GRAMD4: variants seen among roughly 807,000 people sequenced by gnomAD.
GRAMD4 encodes GRAM domain containing 4, also known as GRAM domain-containing protein 4.
Under a neutral mutation model 83.9 loss-of-function variants are expected in GRAMD4, and 25 were observed. That is an observed-to-expected ratio of 0.30 (90% confidence interval 0.22 to 0.42). The LOEUF (loss-of-function observed/expected upper bound fraction) is 0.42, where lower values mean the gene tolerates loss of function less well. Ranked by LOEUF, GRAMD4 falls within the 10% of genes least tolerant of loss-of-function variation. The pLI, the probability that GRAMD4 is intolerant of heterozygous loss-of-function variation, is 1.00. For synonymous variants in GRAMD4, 336 were observed against 320.9 expected, an observed-to-expected ratio of 1.05 and a Z score of -0.50; for missense variants, 593 against 788.7, an observed-to-expected ratio of 0.75 and a Z score of 2.97.
intron 1 of GRAMD4, among the ~76,000 whole-genome samples, chr22:46,600,752 CA>C (rs2081304924): frequency 6.6e-6 from 1 of 152,108 alleles, no homozygotes; most frequent in Non-Finnish European, 1.5e-5. Context: ...TATTAGAAAT[CA>C]AAACTAAGAA....
intron 17 of GRAMD4, among the ~76,000 whole-genome samples, chr22:46,676,076 CCCCAGCTCCCT>C (rs1569309348): frequency 3.3e-5 from 5 of 152,216 alleles, no homozygotes. Flanking sequence ...TGGTCAGGGC[CCCCAGCTCCCT>C]CCCAGCTCCG....
At chr22:46,655,086 C>G (rs891307666) in intron 3 of GRAMD4, among the ~76,000 whole-genome samples, 10 of 152,170 alleles carry the variant, frequency 6.6e-5, no homozygotes. Flanking sequence ...GGACAGCTTA[C>G]CCTGGAGGGT....
At position 46,677,346 on chromosome 22, in the gene GRAMD4, C is replaced by A; in HGVS notation, c.*95C>A. On this transcript the variant is annotated 3_prime_UTR_variant, in exon 19 of 19. Transcript: ENST00000406902. ...TTGGTAGTGGAAACAATTGGACATC[C>A]TCATGAGCTTTTGCAATAATTCTCC... is the stretch of plus-strand genomic sequence containing the variant. 5 of 1,469,178 alleles carry A rather than the reference C, an allele frequency of 3.4e-6. No homozygotes were observed. Among genetic ancestry groups the A allele is most frequent in the Non-Finnish European group, 3.6e-6 (4 of 1,112,710 alleles). The allele number at this position is 1,469,178 out of a possible 1,614,324, so 91.0% of individuals were successfully genotyped here.
At chr22:46,644,697 GTTT>G (rs71192437) in intron 3 of GRAMD4, among the ~76,000 whole-genome samples, 41 of 97,342 alleles carry the variant, frequency 4.2e-4, no homozygotes, top group African/African-American at 1.0e-3. Flanking sequence ...CTTGTTCCCT[GTTT>G]TTTTTTTTTT....
chr22:46,675,048 G>C (rs1413897008), intron 16 of GRAMD4, among the ~76,000 whole-genome samples: 2 of 152,252 alleles, frequency 1.3e-5, no homozygotes, highest in Non-Finnish European at 2.9e-5. Flanking sequence ...GGACCGTGTG[G>C]GGACCTGCTA....
At chr22:46,606,748 C>G (rs1569256415) in intron 1 of GRAMD4, among the ~76,000 whole-genome samples, 1 of 152,284 alleles carries the variant, frequency 6.6e-6, no homozygotes, top group African/African-American at 2.4e-5. Context: ...CTGAGCATCT[C>G]TGCGTGGACT....
chr22:46,629,764 GT>G (rs2147181355), intron 2 of GRAMD4, among the ~76,000 whole-genome samples: 1 of 152,324 alleles, frequency 6.6e-6, no homozygotes, highest in Admixed American at 6.5e-5. Flanking sequence ...GTTTTAAAAG[GT>G]TTTTATCACC....
intron 3 of GRAMD4, among the ~76,000 whole-genome samples, chr22:46,653,803 A>T (rs559301334): frequency 4.2e-4 from 64 of 152,266 alleles, no homozygotes; most frequent in African/African-American, 1.5e-3. Context: ...CTAGGAGTTA[A>T]CCTGGGAAAG....
intron 2 of GRAMD4, among the ~76,000 whole-genome samples, 174 bp downstream of exon 2, chr22:46,627,135 G>C (rs181260594): frequency 2.4e-3 from 367 of 152,316 alleles, no homozygotes; most frequent in African/African-American, 8.4e-3. Flanking sequence ...GTGGGGCCGG[G>C]GTGCTGCCAC....
chr22:46,622,493 C>G lies in GRAMD4; in HGVS notation c.-50+1928C>G, dbSNP rs1483203277. Among the ~76,000 whole-genome samples the G allele has an allele frequency of 6.6e-6, 1 of 152,128 alleles. No homozygotes were observed. The highest frequency in any genetic ancestry group is 2.4e-5 in the African/African-American group (1 of 41,394). ...TAAAAAGCAGTAAAAATGGTGGTTA[C>G]CGGGGGCTTGGGGAGGGCATGGGAG... On this transcript the variant is annotated intron_variant, in intron 1 of 18. Coordinates refer to ENST00000406902, the MANE Select transcript of GRAMD4 (RefSeq NM_015124.5). The surrounding 1 kb of genome is among the most constrained non-coding windows in gnomAD (Gnocchi z 4.0).
At chr22:46,644,861 T>A (rs1343979686) in intron 3 of GRAMD4, among the ~76,000 whole-genome samples, 1 of 146,632 alleles carries the variant, frequency 6.8e-6, no homozygotes, top group African/African-American at 2.5e-5. Context: ...GCTTCCTGAG[T>A]AGCAGGGACT....
chr22:46,660,079 C>T (rs1332533716), intron 4 of GRAMD4, among the ~76,000 whole-genome samples: 1 of 152,200 alleles, frequency 6.6e-6, no homozygotes, highest in Non-Finnish European at 1.5e-5. Flanking sequence ...CCCATCCTCT[C>T]ACTCCCGCCA....
intron 11 of GRAMD4, 106 bp from the exon 12 acceptor site, chr22:46,668,583 C>T (rs2082448364): frequency 1.9e-6 from 2 of 1,038,874 alleles, no homozygotes; most frequent in Non-Finnish European, 3.0e-6. Flanking sequence ...CCACAGGGCT[C>T]CGAGTGACCT....
chr22:46,618,194 G>C (rs762841124), upstream of GRAMD4, among the ~76,000 whole-genome samples: 7 of 152,138 alleles, frequency 4.6e-5, no homozygotes, highest in Non-Finnish European at 1.0e-4. The surrounding 1 kb of genome is among the most constrained non-coding windows in gnomAD (Gnocchi z 5.8). Flanking sequence ...GGAGACTCGG[G>C]TGCCTGCAGC....
intron 14 of GRAMD4, among the ~76,000 whole-genome samples, 195 bp downstream of exon 14, chr22:46,673,192 G>A (rs1368800532): frequency 6.6e-6 from 1 of 152,090 alleles, no homozygotes; most frequent in Non-Finnish European, 1.5e-5. Flanking sequence ...CCCCTCCCAA[G>A]CCCAGGGCAA....
chr22:46,630,348 G>A (rs564105322), intron 2 of GRAMD4, among the ~76,000 whole-genome samples: 1 of 152,272 alleles, frequency 6.6e-6, no homozygotes, highest in South Asian at 2.1e-4. Context: ...TCATTGATCT[G>A]TTGTGGGCGC....
At chr22:46,670,027 C>G (rs916858130) in intron 13 of GRAMD4, among the ~76,000 whole-genome samples, 1 of 152,248 alleles carries the variant, frequency 6.6e-6, no homozygotes, top group African/African-American at 2.4e-5. Flanking sequence ...GTGGGACTCG[C>G]CTGAGCCCAC....
In GRAMD4 at chr22:46,661,410, CA is replaced by C; in HGVS notation, c.438del (p.Gln148ArgfsTer49). 6.2e-7 allele frequency: 1 copy of C among 1,602,714 alleles called. No individual in the cohort carries two copies. On this transcript the variant is annotated frameshift_variant, in exon 5 of 19. Coordinates refer to ENST00000406902, the MANE Select transcript of GRAMD4 (RefSeq NM_015124.5). LOFTEE classifies it high-confidence loss of function. ...RTEEQMAQQP[P>X]KGQAQASNGA... is the part of the protein sequence containing the mutation. ...GAGGAGCAGATGGCTCAGCAGCCCC[CA>C]AAAGGGCAGGCCCAGGCCAGCAATG...
chr22:46,619,237 G>T (rs567101337), upstream of GRAMD4, among the ~76,000 whole-genome samples: 132 of 152,314 alleles, frequency 8.7e-4, no homozygotes, highest in Admixed American at 3.5e-3. Flanking sequence ...GACCCCAGAG[G>T]GCCCAGGGAG....
Sources: allele counts gnomAD v4.1 joint callset (sites outside exome capture counted in the v4.1 genomes callset), GRCh38; gene constraint gnomAD v4.1.1; non-coding constraint Gnocchi (gnomAD v3.1); transcripts MANE v1.5; gene names NCBI Gene and HGNC (gene_info 2026-07-23, HGNC 2026-07-21).